The following ACSM6 variants were observed in gnomAD, a reference collection of about 807,000 sequenced individuals.
ACSM6 encodes the protein acyl-coenzyme A synthetase ACSM6, mitochondrial.
A neutral mutation model predicts 51.1 loss-of-function variants in ACSM6; 35 were observed. The observed-to-expected ratio is 0.69, with a 90% CI of 0.52 to 0.91. The LOEUF (loss-of-function observed/expected upper bound fraction) is 0.91. Ranked by LOEUF, ACSM6 falls within the 40% of genes least tolerant of loss-of-function variation. ACSM6 has a pLI of 0.00. For missense variants in ACSM6, 509 were observed against 584.1 expected (o/e 0.87, Z 1.32); for synonymous variants, 172 against 207.3 (o/e 0.83, Z 1.46).
chr10:95,215,081 T>C, intron 8 of ACSM6, 106 bp downstream of exon 8: 1 of 1,326,682 alleles, frequency 7.5e-7, no homozygotes, highest in Non-Finnish European at 1.0e-6. Flanking sequence ...CACAACTGGA[T>C]CTTAAGCACA....
chr10:95,197,577 G>A lies in ACSM6; in HGVS notation c.192+2900G>A, dbSNP rs200689536. 3.5e-3 allele frequency among the ~76,000 whole-genome samples: 531 copies of A among 151,054 alleles called. 1 individual carries two copies. Among genetic ancestry groups the A allele is most frequent in the Admixed American group, 3.8e-3 (57 of 15,138 alleles). On this transcript the variant is annotated intron_variant, in intron 2 of 10. Coordinates refer to ENST00000341686, the Ensembl canonical transcript of ACSM6. The stretch of plus-strand genomic sequence containing the variant: ...ATCTCAGTGGAGTAAAGAATAACAA[G>A]GAAGCATTGCTGCAAACATGTCTCA...
intron 5 of ACSM6, among the ~76,000 whole-genome samples, chr10:95,211,061 A>G (rs1336624537): frequency 6.6e-6 from 1 of 152,134 alleles, no homozygotes; most frequent in Non-Finnish European, 1.5e-5. Flanking sequence ...CCAAAGACAC[A>G]CTGTGGGATG....
chr10:95,196,166 C>A (rs1402676095), intron 2 of ACSM6, among the ~76,000 whole-genome samples: 1 of 152,224 alleles, frequency 6.6e-6, no homozygotes, highest in Admixed American at 6.5e-5. Flanking sequence ...TGGCATCTGG[C>A]ACCATGCAGA....
At chr10:95,204,220 A>C (rs1766792000) in intron 3 of ACSM6, among the ~76,000 whole-genome samples, 2 of 152,194 alleles carry the variant, frequency 1.3e-5, no homozygotes, top group Non-Finnish European at 2.9e-5. Flanking sequence ...AAAATGAATG[A>C]AAACAAAATC....
chr10:95,207,518 G>A (rs1352866440), intron 4 of ACSM6, 103 bp downstream of exon 4: 1 of 1,210,392 alleles, frequency 8.3e-7, no homozygotes, highest in Non-Finnish European at 1.2e-6. Context: ...ATGAAAAGCT[G>A]AATGGCAATT....
At chr10:95,218,780 T>A (rs954921297) in intron 8 of ACSM6, among the ~76,000 whole-genome samples, 2 of 152,118 alleles carry the variant, frequency 1.3e-5, no homozygotes, top group Non-Finnish European at 2.9e-5. Context: ...CCAGATTAGA[T>A]GAAGGGAAGG....
At position 95,225,323 on chromosome 10, in the gene ACSM6, G is replaced by C. The variant is rs1030811716; in HGVS notation, c.1234G>C (p.Gly412Arg). The change falls in exon 10 of 11, where the codon GGG becomes CGG. Residue 412 changes from glycine (G) to arginine (R), a missense_variant. Physicochemically the swap from Gly to Arg is moderately radical, Grantham distance 125. Transcript: ENST00000341686. ...TGAAAACTCAAATCTCCTGCCTCCAGGGGAAGAAGGAAATATTGCAATCCG... is the reference window on the plus strand; with the variant it reads ...TGAAAACTCAAATCTCCTGCCTCCACGGGAAGAAGGAAATATTGCAATCCG... The C allele has an allele frequency of 6.4e-7, 1 of 1,551,416 alleles. No homozygotes were observed. Among genetic ancestry groups the C allele is most frequent in the African/African-American group, 1.4e-5 (1 of 73,028 alleles).
At chr10:95,207,336 G>A (rs142070122) in exon 4 of ACSM6, 69 of 1,614,008 alleles carry the variant, frequency 4.3e-5, no homozygotes, top group Non-Finnish European at 5.2e-5. Context: ...TGCCGTGTCC[G>A]ACTGCCCCAC....
intron 2 of ACSM6, among the ~76,000 whole-genome samples, chr10:95,196,339 C>A (rs539312252): frequency 9.2e-5 from 14 of 152,296 alleles, no homozygotes; most frequent in Admixed American, 7.2e-4. Flanking sequence ...AAGGCTTGGG[C>A]TCCAAAAGCC....
At chr10:95,227,766 G>A (rs2035053682) in intron 10 of ACSM6, among the ~76,000 whole-genome samples, 1 of 152,204 alleles carries the variant, frequency 6.6e-6, no homozygotes, top group Middle Eastern at 3.2e-3. Context: ...ATGGCAATGA[G>A]TCAAATGCTG....
At chr10:95,228,557 T>C (rs748338839) in intron 10 of ACSM6, 87 bp from the exon 11 acceptor site, 71 of 1,373,504 alleles carry the variant, frequency 5.2e-5, no homozygotes, top group Non-Finnish European at 6.5e-5. Flanking sequence ...CAGTCTCCCC[T>C]GGGGCTAGCC....
At chr10:95,199,752 T>C (rs1452312145) in intron 2 of ACSM6, among the ~76,000 whole-genome samples, 1 of 152,012 alleles carries the variant, frequency 6.6e-6, no homozygotes, top group Admixed American at 6.5e-5. Flanking sequence ...CATGAAAAAA[T>C]GCTCATCATC....
chr10:95,214,699 T>C (rs1367712253), intron 7 of ACSM6, among the ~76,000 whole-genome samples, 153 bp from the exon 8 acceptor site: 1 of 152,208 alleles, frequency 6.6e-6, no homozygotes, highest in Non-Finnish European at 1.5e-5. Context: ...GAATAGATTA[T>C]CTAATAGAGT....
At chr10:95,194,735 C>A in intron 2 of ACSM6, 58 bp downstream of exon 2, 1 of 1,441,186 alleles carries the variant, frequency 6.9e-7, no homozygotes, top group South Asian at 1.3e-5. Flanking sequence ...GGTAAAGCGT[C>A]CAAAGATCAT....
At chr10:95,228,902 A>G in exon 11 of ACSM6, 1 of 1,105,102 alleles carries the variant, frequency 9.0e-7, no homozygotes, top group Non-Finnish European at 1.2e-6. Flanking sequence ...AACCAAAAAT[A>G]AAAAAATAAA....
intron 10 of ACSM6, 48 bp from the exon 11 acceptor site, chr10:95,228,596 T>TATGAGATATCACTAAATGA: frequency 6.5e-7 from 1 of 1,531,140 alleles, no homozygotes; most frequent in Non-Finnish European, 8.8e-7. Context: ...CACTAAATGA[T>TATGAGATATCACTAAATGA]TGTGAGAGGG....
chr10:95,207,308 G>A, exon 4 of ACSM6: 1 of 1,614,096 alleles, frequency 6.2e-7, no homozygotes, highest in Non-Finnish European at 8.5e-7. Context: ...ATGAAGCTAT[G>A]GCCCCAGTTG....
At chr10:95,208,275 T>C (rs2034862363) in intron 4 of ACSM6, among the ~76,000 whole-genome samples, 2 of 152,068 alleles carry the variant, frequency 1.3e-5, no homozygotes, top group Non-Finnish European at 2.9e-5. Context: ...AAATAATGTG[T>C]ACAAATGGAC....
intron 2 of ACSM6, among the ~76,000 whole-genome samples, chr10:95,197,100 G>C (rs145920694): frequency 1.1e-3 from 171 of 152,306 alleles, no homozygotes; most frequent in African/African-American, 3.9e-3. Context: ...CAATGGCATC[G>C]TGTGGTAGGG....
Sources: allele counts gnomAD v4.1 joint callset (sites outside exome capture counted in the v4.1 genomes callset), GRCh38; gene constraint gnomAD v4.1.1; transcripts MANE v1.5; gene names NCBI Gene and HGNC (gene_info 2026-07-23, HGNC 2026-07-21).